SUPT3H: variants seen among roughly 807,000 people sequenced by gnomAD.
SUPT3H encodes SPT3 homolog, SAGA and STAGA complex component, also known as transcription initiation protein SPT3 homolog.
A neutral mutation model predicts 44.3 loss-of-function variants in SUPT3H; 44 were observed. That is an observed-to-expected ratio of 0.99 (90% CI 0.78 to 1.28). SUPT3H has a LOEUF of 1.28. Among genes scored for constraint, SUPT3H ranks in the 50% most tolerant of loss-of-function variants. The pLI is 0.00. For synonymous variants in SUPT3H, 124 were observed against 125.6 expected, an observed-to-expected ratio of 0.99 and a Z score of 0.09; for missense variants, 380 against 387.1, an observed-to-expected ratio of 0.98 and a Z score of 0.15.
At chr6:44,967,918 T>C (rs1776993230) in intron 6 of SUPT3H, among the ~76,000 whole-genome samples, 1 of 152,088 alleles carries the variant, frequency 6.6e-6, no homozygotes, top group Non-Finnish European at 1.5e-5. Flanking sequence ...GCCTCCTGGG[T>C]AGCTGGGACT....
chr6:45,290,535 G>C (rs1256164349), intron 2 of SUPT3H, among the ~76,000 whole-genome samples: 2 of 151,224 alleles, frequency 1.3e-5, no homozygotes, highest in Admixed American at 1.3e-4. Flanking sequence ...TACTCTTCTG[G>C]GCACTGTTTT....
At chr6:45,030,303 C>T (rs1362661154) in intron 3 of SUPT3H, among the ~76,000 whole-genome samples, 1 of 152,070 alleles carries the variant, frequency 6.6e-6, no homozygotes, top group Non-Finnish European at 1.5e-5. Flanking sequence ...ATTTTGGTTG[C>T]CTATATAATA....
In SUPT3H at chr6:44,940,470, A is replaced by G. The variant is rs56007545; in HGVS notation, c.802-7707T>C. ...CCTAACATGTGATATCTATCTTGGC[A>G]AATGTTCCATGTGCTCATAAGAAGA... On this transcript the variant is annotated intron_variant, in intron 9 of 10. Coordinates refer to ENST00000371459, the MANE Select transcript of SUPT3H (RefSeq NM_003599.4). Among the ~76,000 whole-genome samples the G allele has an allele frequency of 8.7e-3, 1,318 of 152,186 alleles. 24 individuals are homozygous for G. The highest frequency in any genetic ancestry group is 0.03 in the African/African-American group (1,241 of 41,556).
intron 1 of SUPT3H, among the ~76,000 whole-genome samples, chr6:45,366,451 T>C (rs1795144955): frequency 6.6e-6 from 1 of 152,172 alleles, no homozygotes; most frequent in Non-Finnish European, 1.5e-5. Flanking sequence ...GCAGTACTGA[T>C]AGCACACAGT....
At chr6:44,815,872 G>A (rs1425192633) in intron 11 of SUPT3H, among the ~76,000 whole-genome samples, 2 of 151,668 alleles carry the variant, frequency 1.3e-5, no homozygotes, top group Non-Finnish European at 3.0e-5. Context: ...GGCAAAAACC[G>A]TGATTACTTT....
intron 2 of SUPT3H, among the ~76,000 whole-genome samples, chr6:45,347,705 G>C (rs1791169161): frequency 6.6e-6 from 1 of 151,240 alleles, no homozygotes; most frequent in African/African-American, 2.4e-5. Flanking sequence ...TTAAATAGAA[G>C]AGTGAAATCC....
At chr6:45,327,109 C>T (rs1786484388) in intron 2 of SUPT3H, among the ~76,000 whole-genome samples, 1 of 151,950 alleles carries the variant, frequency 6.6e-6, no homozygotes, top group Non-Finnish European at 1.5e-5. Context: ...GAGTTCTATA[C>T]ATACTTGTCC....
intron 1 of SUPT3H, among the ~76,000 whole-genome samples, chr6:45,373,153 T>C (rs1235720517): frequency 1.3e-5 from 2 of 152,008 alleles, no homozygotes; most frequent in Non-Finnish European, 2.9e-5. Flanking sequence ...GGTCTCACTA[T>C]ATTGCCCATC....
intron 2 of SUPT3H, among the ~76,000 whole-genome samples, chr6:45,271,585 G>A (rs142746675): frequency 5.9e-5 from 9 of 152,286 alleles, no homozygotes; most frequent in Non-Finnish European, 1.2e-4. Flanking sequence ...GGATACCCAC[G>A]CTGAAGTTTG....
At chr6:44,959,295 A>C (rs997311785) in intron 7 of SUPT3H, among the ~76,000 whole-genome samples, 3 of 152,224 alleles carry the variant, frequency 2.0e-5, no homozygotes, top group Admixed American at 1.3e-4. Flanking sequence ...CTTGCAGAGG[A>C]AAAAGAAATG....
intron 10 of SUPT3H, among the ~76,000 whole-genome samples, chr6:44,907,714 T>C (rs1010241466): frequency 4.6e-5 from 7 of 152,124 alleles, no homozygotes; most frequent in Admixed American, 4.6e-4. Flanking sequence ...TACTCTAATT[T>C]GTATGCGGTT....
chr6:44,995,963 G>A (rs1033160299), intron 6 of SUPT3H, among the ~76,000 whole-genome samples: 2 of 151,894 alleles, frequency 1.3e-5, no homozygotes, highest in South Asian at 4.2e-4. Context: ...ATGTGTTTGC[G>A]AAACATGAAT....
At chr6:44,980,834 T>G (rs1778994547) in intron 6 of SUPT3H, among the ~76,000 whole-genome samples, 1 of 152,230 alleles carries the variant, frequency 6.6e-6, no homozygotes, top group Non-Finnish European at 1.5e-5. Flanking sequence ...TAGAGTACTT[T>G]CAGAGGATAA....
chr6:44,928,776 G>A (rs1165843174), intron 10 of SUPT3H, among the ~76,000 whole-genome samples: 3 of 149,800 alleles, frequency 2.0e-5, no homozygotes, highest in South Asian at 2.1e-4. Flanking sequence ...CCAGCTACTC[G>A]GGAGGCTGAG....
chr6:45,043,173 A>ACACACACACG (rs1554218934), intron 3 of SUPT3H, among the ~76,000 whole-genome samples: 14 of 145,854 alleles, frequency 9.6e-5, no homozygotes, highest in South Asian at 2.2e-4. Flanking sequence ...ACACACACGC[A>ACACACACACG]CACACACAAA....
At chr6:45,228,583 CCG>C (rs554416587) in intron 2 of SUPT3H, among the ~76,000 whole-genome samples, 3 of 151,978 alleles carry the variant, frequency 2.0e-5, no homozygotes, top group African/African-American at 2.4e-5. Context: ...ATGCAAACAC[CCG>C]CGCGCGCGCA....
At chr6:44,959,385 A>G (rs915838020) in intron 7 of SUPT3H, among the ~76,000 whole-genome samples, 16 of 152,200 alleles carry the variant, frequency 1.1e-4, no homozygotes, top group African/African-American at 3.9e-4. Context: ...TTAAAACACA[A>G]GACAGCATAT....
intron 2 of SUPT3H, among the ~76,000 whole-genome samples, chr6:45,231,286 G>A (rs942885073): frequency 1.3e-5 from 2 of 152,176 alleles, no homozygotes; most frequent in African/African-American, 4.8e-5. Flanking sequence ...AGGTGTAGTA[G>A]TGATGAATTC....
intron 2 of SUPT3H, among the ~76,000 whole-genome samples, chr6:45,200,288 T>C (rs888069240): frequency 3.3e-5 from 5 of 151,418 alleles, no homozygotes; most frequent in African/African-American, 1.2e-4. Flanking sequence ...TCATACAAAA[T>C]ATTGTTTGTA....
Sources: allele counts gnomAD v4.1 joint callset (sites outside exome capture counted in the v4.1 genomes callset), GRCh38; gene constraint gnomAD v4.1.1; transcripts MANE v1.5; gene names NCBI Gene and HGNC (gene_info 2026-07-23, HGNC 2026-07-21).